The following THADA variants were observed in gnomAD, a reference collection of about 807,000 sequenced individuals.
THADA encodes THADA armadillo repeat containing, also known as tRNA (32-2'-O)-methyltransferase regulator THADA.
Under a neutral mutation model 219.8 loss-of-function variants are expected in THADA, and 213 were observed. The ratio of observed to expected loss-of-function variants is 0.97; its 90% CI spans 0.87 to 1.09. The LOEUF is 1.09. Among genes scored for constraint, THADA ranks in the 50% least tolerant of loss-of-function variants. The pLI is 0.00. For synonymous variants in THADA, 1,018 were observed against 828.9 expected, an observed-to-expected ratio of 1.23 and a Z score of -3.92; for missense variants, 2,956 against 2,311.3, an observed-to-expected ratio of 1.28 and a Z score of -5.72.
intron 11 of THADA, among the ~76,000 whole-genome samples, chr2:43,573,217 A>C (rs1239896804): frequency 6.6e-6 from 1 of 152,256 alleles, no homozygotes; most frequent in Non-Finnish European, 1.5e-5. Context: ...TCTTATCGTT[A>C]ACATAAACAA....
chr2:43,315,646 C>A (rs1203891939), intron 31 of THADA, among the ~76,000 whole-genome samples: 1 of 151,928 alleles, frequency 6.6e-6, no homozygotes, highest in Non-Finnish European at 1.5e-5. Context: ...AAAAAAAATT[C>A]TGTAGAGATG....
chr2:43,342,050 A>G (rs1361120683), intron 30 of THADA, among the ~76,000 whole-genome samples: 3 of 152,138 alleles, frequency 2.0e-5, no homozygotes, highest in Non-Finnish European at 4.4e-5. Context: ...TTCTCCACCA[A>G]AAAACCCCAC....
chr2:43,281,728 C>T (rs189584497), intron 35 of THADA, among the ~76,000 whole-genome samples: 3 of 152,196 alleles, frequency 2.0e-5, no homozygotes, highest in East Asian at 1.9e-4. Context: ...TGAGCCACCA[C>T]GCCTGGCCTC....
At chr2:43,386,897 C>CAAAA (rs548365391) in intron 29 of THADA, among the ~76,000 whole-genome samples, 23 of 97,304 alleles carry the variant, frequency 2.4e-4, no homozygotes, top group Non-Finnish European at 2.8e-4. Flanking sequence ...GATTTCCTCT[C>CAAAA]AAAAAAAAAA....
chr2:43,325,868 G>C (rs939478549), intron 30 of THADA, among the ~76,000 whole-genome samples: 22 of 152,112 alleles, frequency 1.4e-4, no homozygotes, highest in African/African-American at 4.6e-4. Context: ...GACTGGTCTA[G>C]CTTTTTTCTT....
chr2:43,398,044 G>A lies in THADA; in HGVS notation c.4154C>T (p.Thr1385Ile). Residue 1385 changes from threonine to isoleucine, a missense_variant, in exon 29 of 38, where the codon ACT becomes ATT. Physicochemically the swap from Thr to Ile is moderately conservative, Grantham distance 89. Coordinates refer to ENST00000405975, the MANE Select transcript of THADA (RefSeq NM_022065.5). ...GCAGCTGGGGAGTGTGGACAACAGA[G>A]TTCGAATGGTATTAGGAATGTGATC... ...MIDHIPNTIR[T>I]LLSTLPSCTD... 3.7e-6 allele frequency: 6 copies of A among 1,613,992 alleles called. No homozygotes were observed. The highest frequency in any genetic ancestry group is 5.1e-6 in the Non-Finnish European group (6 of 1,179,870).
intron 8 of THADA, among the ~76,000 whole-genome samples, chr2:43,579,840 A>G (rs114169242): frequency 6.6e-6 from 1 of 152,262 alleles, no homozygotes; most frequent in South Asian, 2.1e-4. Context: ...AAAGCAGAAA[A>G]TGTGTGGGTC....
intron 26 of THADA, among the ~76,000 whole-genome samples, chr2:43,455,057 G>C (rs1040858365): frequency 6.6e-6 from 1 of 151,712 alleles, no homozygotes; most frequent in Non-Finnish European, 1.5e-5. Context: ...ATAATTTTCT[G>C]CCCTCACTTT....
At chr2:43,421,342 G>A (rs1174436994) in intron 28 of THADA, among the ~76,000 whole-genome samples, 1 of 152,116 alleles carries the variant, frequency 6.6e-6, no homozygotes, top group Admixed American at 6.5e-5. Context: ...GGGAAGGGTG[G>A]GGGCATACTC....
At chr2:43,593,016 C>T (rs909661399) in intron 1 of THADA, 11 of 152,192 alleles carry the variant, frequency 7.2e-5, no homozygotes, top group African/African-American at 2.7e-4. Flanking sequence ...CAACTACACA[C>T]TAATAGTACC....
At chr2:43,546,505 A>G (rs942446162) in intron 20 of THADA, among the ~76,000 whole-genome samples, 1 of 152,142 alleles carries the variant, frequency 6.6e-6, no homozygotes, top group Non-Finnish European at 1.5e-5. Context: ...GTGGGAGTCT[A>G]AGTCTCTTTG....
intron 28 of THADA, among the ~76,000 whole-genome samples, chr2:43,407,819 A>G (rs1246828197): frequency 6.6e-6 from 1 of 152,032 alleles, no homozygotes; most frequent in Non-Finnish European, 1.5e-5. Context: ...ATAATATTAT[A>G]TAAATATATG....
chr2:43,263,013 G>A (rs546778003), intron 36 of THADA, among the ~76,000 whole-genome samples: 1 of 152,336 alleles, frequency 6.6e-6, no homozygotes, highest in African/African-American at 2.4e-5. Flanking sequence ...AGCCAAGTCA[G>A]CAGCAGGGCA....
chr2:43,572,751 A>T, intron 12 of THADA, 63 bp downstream of exon 12: 1 of 1,486,122 alleles, frequency 6.7e-7, no homozygotes, highest in Admixed American at 1.9e-5. Flanking sequence ...GGGCCTCTAT[A>T]TTGAACTGCT....
At chr2:43,406,463 A>G (rs1675544891) in intron 28 of THADA, among the ~76,000 whole-genome samples, 1 of 152,208 alleles carries the variant, frequency 6.6e-6, no homozygotes, top group Non-Finnish European at 1.5e-5. Context: ...TCATTTTTTG[A>G]GACAACAACA....
chr2:43,231,785 A>G (rs1044651017), intron 37 of THADA, among the ~76,000 whole-genome samples: 11 of 152,182 alleles, frequency 7.2e-5, no homozygotes, highest in East Asian at 1.9e-4. Context: ...TCCTGTTTCT[A>G]TAACACTGTG....
Position 43,566,653 on chromosome 2 carries a change from G to C in THADA, c.2311+45C>G, listed in dbSNP as rs778220017. On this transcript the variant is annotated intron_variant, in intron 15 of 37. Coordinates refer to ENST00000405975, the MANE Select transcript of THADA (RefSeq NM_022065.5). ...GCAAAATGTAGAATAAGTATGTTTT[G>C]AAAGAAAACAAAAATTACTTCCCCT... 4 of 1,596,298 alleles carry C rather than the reference G, an allele frequency of 2.5e-6. No homozygotes were observed. The East Asian group carries it at 9.0e-5, about 36-fold the overall frequency.
intron 26 of THADA, among the ~76,000 whole-genome samples, chr2:43,450,571 A>G (rs1042626503): frequency 3.9e-5 from 6 of 152,212 alleles, no homozygotes; most frequent in African/African-American, 1.2e-4. Flanking sequence ...AAACATTAAA[A>G]AAAAGCTATA....
At chr2:43,503,351 TG>T (rs1689263312) in intron 24 of THADA, among the ~76,000 whole-genome samples, 2 of 152,338 alleles carry the variant, frequency 1.3e-5, no homozygotes, top group South Asian at 4.1e-4. Flanking sequence ...AATAAAATAC[TG>T]TTCAGAAATG....
Sources: allele counts gnomAD v4.1 joint callset (sites outside exome capture counted in the v4.1 genomes callset), GRCh38; gene constraint gnomAD v4.1.1; transcripts MANE v1.5; gene names NCBI Gene and HGNC (gene_info 2026-07-23, HGNC 2026-07-21).